RNF11: variants seen among roughly 807,000 people sequenced by gnomAD.
RNF11 encodes the protein ring finger protein 11.
RNF11 carries 4 observed loss-of-function variants against 15.8 expected under a neutral mutation model. The ratio of observed to expected loss-of-function variants is 0.25; its 90% CI spans 0.12 to 0.58. The LOEUF is 0.58. RNF11 is among the 20% of genes least tolerant of loss of function. The pLI, the probability that RNF11 is intolerant of heterozygous loss-of-function variation, is 0.91. For synonymous variants in RNF11, 68 were observed against 72.3 expected, an observed-to-expected ratio of 0.94 and a Z score of 0.30; for missense variants, 139 against 194.4, an observed-to-expected ratio of 0.71 and a Z score of 1.70.
At chr1:51,237,424 G>GTATA (rs1168154259) in intron 1 of RNF11, among the ~76,000 whole-genome samples, 10 of 135,890 alleles carry the variant, frequency 7.4e-5, no homozygotes, top group Non-Finnish European at 9.3e-5. Flanking sequence ...GTGTGTGTGT[G>GTATA]TATATATATA....
rs1646979804 is a variant in RNF11 at position 51,271,754 on chromosome 1, A to C, written c.*432A>C. On this transcript the variant is annotated 3_prime_UTR_variant, in exon 3 of 3. Transcript: ENST00000242719. ...TTGCTGGCATTTGGGTCAAGGTTTTATTAAAAGCTACATTTTATAACACTG... is the reference window on the plus strand; with the variant it reads ...TTGCTGGCATTTGGGTCAAGGTTTTCTTAAAAGCTACATTTTATAACACTG... 1 of 155,214 alleles carries C rather than the reference A, an allele frequency of 6.4e-6. No individual in the cohort carries two copies. Among genetic ancestry groups the C allele is most frequent in the African/African-American group, 2.4e-5 (1 of 41,476 alleles). The allele number at this position is 155,214 out of a possible 1,614,324, so 9.6% of individuals were successfully genotyped here. A position where few individuals can be genotyped will look rare whatever the true frequency, so the allele number is the denominator to read the frequency against.
intron 1 of RNF11, among the ~76,000 whole-genome samples, chr1:51,240,919 C>G (rs920653999): frequency 6.6e-6 from 1 of 152,074 alleles, no homozygotes. Context: ...TGGGTTCAAG[C>G]GATTCTCCTG....
intron 1 of RNF11, among the ~76,000 whole-genome samples, chr1:51,248,612 A>G (rs1404075060): frequency 6.6e-6 from 1 of 152,204 alleles, no homozygotes; most frequent in Non-Finnish European, 1.5e-5. Context: ...ACATGAAGCA[A>G]TTATGAGGTC....
chr1:51,243,449 A>T (rs545941694), intron 1 of RNF11, among the ~76,000 whole-genome samples: 6 of 151,724 alleles, frequency 4.0e-5, no homozygotes, highest in Non-Finnish European at 7.4e-5. Context: ...TATTATTATT[A>T]TTTTTTGAAA....
chr1:51,269,071 G>C (rs1016771886), intron 1 of RNF11, among the ~76,000 whole-genome samples: 7 of 152,208 alleles, frequency 4.6e-5, no homozygotes, highest in African/African-American at 1.7e-4. Context: ...ACAGTAAGTA[G>C]CCGAGCTGAG....
intron 1 of RNF11, chr1:51,266,063 G>A (rs1209537420): frequency 6.6e-6 from 1 of 152,076 alleles, no homozygotes; most frequent in East Asian, 1.9e-4. Context: ...TGCTGATGAG[G>A]AACCTTAATG....
intron 1 of RNF11, among the ~76,000 whole-genome samples, chr1:51,267,691 T>C (rs1646961231): frequency 6.6e-6 from 1 of 152,194 alleles, no homozygotes; most frequent in Non-Finnish European, 1.5e-5. Flanking sequence ...AACCATATAG[T>C]GTTCGCAGAT....
At chr1:51,237,424 G>GTGTATATATATATATGTGTATATATATA (rs1646809424) in intron 1 of RNF11, among the ~76,000 whole-genome samples, 2 of 135,898 alleles carry the variant, frequency 1.5e-5, no homozygotes, top group South Asian at 4.5e-4. Context: ...GTGTGTGTGT[G>GTGTATATATATATATGTGTATATATATA]TATATATATA....
At chr1:51,248,054 G>T (rs113518769) in intron 1 of RNF11, among the ~76,000 whole-genome samples, 3,150 of 150,426 alleles carry the variant, frequency 0.021, 92 homozygotes, top group African/African-American at 0.065. Context: ...GAGTAGCGAG[G>T]CCTTAAGGGT....
intron 1 of RNF11, among the ~76,000 whole-genome samples, chr1:51,243,090 T>C (rs978705243): frequency 3.2e-4 from 49 of 152,358 alleles, no homozygotes; most frequent in African/African-American, 1.2e-3. Context: ...TTTTTGTGTT[T>C]GTAACATTTA....
At chr1:51,251,309 A>G in intron 1 of RNF11, 2 of 1,509,558 alleles carry the variant, frequency 1.3e-6, no homozygotes, top group Non-Finnish European at 1.8e-6. Flanking sequence ...TCCACTCCTT[A>G]TCCTCGGCCT....
intron 2 of RNF11, among the ~76,000 whole-genome samples, chr1:51,270,353 C>A: frequency 6.6e-6 from 1 of 152,164 alleles, no homozygotes; most frequent in East Asian, 1.9e-4. Context: ...TGGCTTATGC[C>A]TGTAATCCCA....
chr1:51,264,259 CAAAAAAA>C (rs1158509807), intron 1 of RNF11, among the ~76,000 whole-genome samples: 19 of 25,494 alleles, frequency 7.5e-4, no homozygotes, highest in South Asian at 2.9e-3. Context: ...GACCCTATCT[CAAAAAAA>C]AAAAAAAAAA....
At chr1:51,258,347 G>T (rs985926710) in intron 1 of RNF11, among the ~76,000 whole-genome samples, 1 of 152,178 alleles carries the variant, frequency 6.6e-6, no homozygotes, top group African/African-American at 2.4e-5. Flanking sequence ...GGGCAGTAGA[G>T]CAGGGCAACT....
Position 51,239,044 on chromosome 1 carries a change from T to TA in RNF11, c.123+2169dup, listed in dbSNP as rs548947499. On this transcript the variant is annotated intron_variant, in intron 1 of 2. Transcript: ENST00000242719. ...CGCATCTGGCATGAAGTTTTTATTTTAAAATCTCTTATGCTCCCTACCCTC... is the reference window on the plus strand; with the variant it reads ...CGCATCTGGCATGAAGTTTTTATTTTAAAAATCTCTTATGCTCCCTACCCTC... Among the ~76,000 whole-genome samples, 177 of 152,204 alleles carry TA rather than the reference T, an allele frequency of 1.2e-3. 1 individual carries two copies. The highest frequency in any genetic ancestry group is 6.8e-3 in the Middle Eastern group (2 of 294).
chr1:51,252,015 C>T (rs1193774422), intron 1 of RNF11, among the ~76,000 whole-genome samples: 1 of 144,178 alleles, frequency 6.9e-6, no homozygotes, highest in Non-Finnish European at 1.5e-5. Context: ...GGAGACAGGT[C>T]GCAGTGAGCC....
At chr1:51,240,072 CCA>C (rs1166772328) in intron 1 of RNF11, among the ~76,000 whole-genome samples, 1 of 152,240 alleles carries the variant, frequency 6.6e-6, no homozygotes, top group Non-Finnish European at 1.5e-5. Flanking sequence ...AATACAACAG[CCA>C]CAGTTATTTT....
Position 51,236,494 on chromosome 1 carries a change from C to CA in RNF11, c.-263_-262insA. On this transcript the variant is annotated 5_prime_UTR_variant, in exon 1 of 3. Transcript: ENST00000242719. ...GGCGGGGTGGGGAAGTGCTTCGTCT[C>CA]CCCGCCCCCCCCCCCCCATCGCTGC... is the stretch of plus-strand genomic sequence containing the variant. The CA allele has an allele frequency of 9.1e-6, 1 of 109,518 alleles. No individual in the cohort carries two copies. The highest frequency in any genetic ancestry group is 1.8e-5 in the Non-Finnish European group (1 of 55,298). The allele number at this position is 109,518 out of a possible 1,614,324, so 6.8% of individuals were successfully genotyped here. A position where few individuals can be genotyped will look rare whatever the true frequency, so the allele number is the denominator to read the frequency against.
chr1:51,269,858 C>T, intron 1 of RNF11, 98 bp from the exon 2 acceptor site: 1 of 990,276 alleles, frequency 1.0e-6, no homozygotes, highest in Non-Finnish European at 1.5e-6. Flanking sequence ...CTTCCTACCC[C>T]TCCCAGGGCT....
Sources: gnomAD v4.1 joint callset for allele counts (sites outside exome capture counted in the v4.1 genomes callset) on GRCh38, gnomAD v4.1.1 for gene constraint, MANE v1.5 for transcripts, NCBI Gene and HGNC (gene_info 2026-07-23, HGNC 2026-07-21) for gene names.